The following BNC2 variants were observed in gnomAD, a reference collection of about 807,000 sequenced individuals.
BNC2 encodes the protein zinc finger protein basonuclin-2.
In BNC2, 20 loss-of-function variants were observed where a neutral mutation model predicts 76.3. The ratio of observed to expected loss-of-function variants is 0.26; its 90% CI spans 0.18 to 0.38. The LOEUF is 0.38. BNC2 is among the 10% of genes least tolerant of loss of function. The pLI is 1.00. For synonymous variants in BNC2, 582 were observed against 514.8 expected (o/e 1.13, Z -1.77); for missense variants, 1,382 against 1,399.8 (o/e 0.99, Z 0.20).
At chr9:16,496,090 G>A (rs952927787) in intron 5 of BNC2, among the ~76,000 whole-genome samples, 13 of 151,750 alleles carry the variant, frequency 8.6e-5, no homozygotes, top group South Asian at 4.2e-4. Flanking sequence ...TGTATTTTTA[G>A]TAGAGACAGG....
In BNC2 at chr9:16,814,795, G is replaced by A. The variant is rs574436522; in HGVS notation, c.3+55851C>T. Among the ~76,000 whole-genome samples the A allele has an allele frequency of 5.3e-5, 8 of 152,286 alleles. No homozygotes were observed. In the South Asian group the frequency reaches 1.0e-3, roughly 20 times the overall value. ...TCTAGGGGGGCTCCTATACATTATG[G>A]TGATTCTACCTCTCAAAGACATACC... On this transcript the variant is annotated intron_variant, in intron 1 of 6. Transcript: ENST00000380672.
chr9:16,506,009 C>G (rs1271383043), intron 5 of BNC2, among the ~76,000 whole-genome samples: 1 of 152,156 alleles, frequency 6.6e-6, no homozygotes, highest in African/African-American at 2.4e-5. Flanking sequence ...GCTCTTTTCA[C>G]TTTTAGTCCA....
At chr9:16,525,802 A>G (rs577945569) in intron 5 of BNC2, among the ~76,000 whole-genome samples, 1 of 152,296 alleles carries the variant, frequency 6.6e-6, no homozygotes, top group South Asian at 2.1e-4. Flanking sequence ...ACACAGAAAG[A>G]TATGTTGTGT....
rs796553105 is a variant in BNC2 at position 16,412,320 on chromosome 9, CAAGGAT to C, written c.*6663_*6668del. 5.3e-5 allele frequency: 8 copies of C among 152,230 alleles called. No homozygotes were observed. Among genetic ancestry groups the C allele is most frequent in the African/African-American group, 1.9e-4 (8 of 41,390 alleles). 9.4% of individuals were successfully genotyped at this position (152,230 alleles called of 1,614,324 possible). On this transcript the variant is annotated 3_prime_UTR_variant, in exon 7 of 7. Coordinates refer to ENST00000380672, the MANE Select transcript of BNC2 (RefSeq NM_017637.6). The stretch of plus-strand genomic sequence containing the variant: ...TACACCTACGTCCATGGTTTGATGC[CAAGGAT>C]AAGAAAAAAAAATGACCACTGTGCG...
At chr9:16,831,830 G>C (rs1818584518) in intron 1 of BNC2, among the ~76,000 whole-genome samples, 1 of 152,254 alleles carries the variant, frequency 6.6e-6, no homozygotes, top group African/African-American at 2.4e-5. Flanking sequence ...AAGCTCCATA[G>C]AGACTCTCCC....
chr9:16,705,330 C>T (rs1253237714), intron 3 of BNC2, among the ~76,000 whole-genome samples: 3 of 152,272 alleles, frequency 2.0e-5, no homozygotes, highest in South Asian at 2.1e-4. Context: ...CTTTTTTGGC[C>T]GCGCTGGGCC....
chr9:16,855,085 A>C (rs1168883481), intron 1 of BNC2, among the ~76,000 whole-genome samples: 2 of 152,064 alleles, frequency 1.3e-5, no homozygotes, highest in Admixed American at 1.3e-4. Context: ...ATATGAGTAC[A>C]TGAGTATTCC....
chr9:16,559,290 G>C (rs1478775402), intron 4 of BNC2, among the ~76,000 whole-genome samples: 1 of 151,998 alleles, frequency 6.6e-6, no homozygotes, highest in Non-Finnish European at 1.5e-5. Context: ...TTTATTTTTA[G>C]TTTATCAGCT....
At chr9:16,652,297 C>A (rs1821815280) in intron 3 of BNC2, among the ~76,000 whole-genome samples, 1 of 152,212 alleles carries the variant, frequency 6.6e-6, no homozygotes, top group South Asian at 2.1e-4. Flanking sequence ...CTCAATACTA[C>A]ACAGAGATCT....
intron 5 of BNC2, among the ~76,000 whole-genome samples, chr9:16,504,395 C>A (rs969761020): frequency 6.7e-6 from 1 of 149,178 alleles, no homozygotes; most frequent in Non-Finnish European, 1.5e-5. Context: ...TCCTCTCTCA[C>A]AATTATATCT....
At chr9:16,857,188 T>C (rs1159526780) in intron 1 of BNC2, among the ~76,000 whole-genome samples, 2 of 152,136 alleles carry the variant, frequency 1.3e-5, no homozygotes, top group African/African-American at 4.8e-5. Context: ...TTTTTAGAAG[T>C]GATTTCAGGC....
intron 5 of BNC2, among the ~76,000 whole-genome samples, chr9:16,533,883 G>C (rs572339021): frequency 1.3e-5 from 2 of 152,170 alleles, no homozygotes; most frequent in East Asian, 1.9e-4. Context: ...AATTTTATTA[G>C]AGAGAAACAT....
At chr9:16,743,955 A>AGTGT (rs1554721146) in intron 1 of BNC2, among the ~76,000 whole-genome samples, 1 of 150,610 alleles carries the variant, frequency 6.6e-6, no homozygotes, top group East Asian at 2.0e-4. Context: ...TACAGACTGC[A>AGTGT]GTTTGTTTGT....
intron 5 of BNC2, among the ~76,000 whole-genome samples, chr9:16,449,910 A>G (rs915892001): frequency 4.6e-5 from 7 of 152,064 alleles, no homozygotes; most frequent in Non-Finnish European, 1.0e-4. Flanking sequence ...TTATTTTGAT[A>G]GCTGATATGG....
chr9:16,439,160 T>C (rs541375261), intron 5 of BNC2, among the ~76,000 whole-genome samples: 3 of 152,200 alleles, frequency 2.0e-5, no homozygotes, highest in Non-Finnish European at 4.4e-5. Context: ...TCCCCGGCCA[T>C]GTGGAATTAT....
At position 16,414,881 on chromosome 9, in the gene BNC2, G is replaced by C. The variant is rs1473388088; in HGVS notation, c.*4108C>G. On this transcript the variant is annotated 3_prime_UTR_variant, in exon 7 of 7. Coordinates refer to ENST00000380672, the MANE Select transcript of BNC2 (RefSeq NM_017637.6). Reference sequence around the variant, plus strand: ...CCTAGTGCATAGTTTCTCCTGAGGAGAAGCCTCTGGAATAGCCCATTCTTG... The same window carrying C: ...CCTAGTGCATAGTTTCTCCTGAGGACAAGCCTCTGGAATAGCCCATTCTTG... The C allele has an allele frequency of 1.3e-5, 2 of 151,440 alleles. No individual in the cohort carries two copies. The highest frequency in any genetic ancestry group is 2.9e-5 in the Non-Finnish European group (2 of 67,902). 9.4% of individuals were successfully genotyped at this position (151,440 alleles called of 1,614,324 possible).
intron 3 of BNC2, among the ~76,000 whole-genome samples, chr9:16,613,670 C>G (rs973155249): frequency 7.2e-5 from 11 of 152,312 alleles, no homozygotes; most frequent in South Asian, 6.2e-4. Flanking sequence ...GCCTCTTAGA[C>G]CTCTTACCAT....
At chr9:16,844,607 T>A (rs1003963359) in intron 1 of BNC2, among the ~76,000 whole-genome samples, 2 of 150,488 alleles carry the variant, frequency 1.3e-5, no homozygotes, top group African/African-American at 4.9e-5. Context: ...AAGCGATTCT[T>A]CCTGCCTCAG....
In BNC2 at chr9:16,413,100, C is replaced by T. The variant is rs979234706; in HGVS notation, c.*5889G>A. The T allele has an allele frequency of 6.6e-6, 1 of 152,624 alleles. No individual in the cohort carries two copies. Among genetic ancestry groups the T allele is most frequent in the African/African-American group, 2.4e-5 (1 of 41,430 alleles). The allele number at this position is 152,624 out of a possible 1,614,324, so 9.5% of individuals were successfully genotyped here. On this transcript the variant is annotated 3_prime_UTR_variant, in exon 7 of 7. Coordinates refer to ENST00000380672, the MANE Select transcript of BNC2 (RefSeq NM_017637.6). Reference sequence around the variant, plus strand: ...GAAATTGAACTGAAGCTTCTTGCTGCTCAGCCCTGGCTTTTTTCTTTCCTC... The same window carrying T: ...GAAATTGAACTGAAGCTTCTTGCTGTTCAGCCCTGGCTTTTTTCTTTCCTC...
Sources: allele counts gnomAD v4.1 joint callset (sites outside exome capture counted in the v4.1 genomes callset), GRCh38; gene constraint gnomAD v4.1.1; transcripts MANE v1.5; gene names NCBI Gene and HGNC (gene_info 2026-07-23, HGNC 2026-07-21).